Variants in WDR72 observed in about 807,000 individuals in gnomAD.
WDR72 encodes the protein WD repeat domain 72.
In WDR72, 120 loss-of-function variants were observed where a neutral mutation model predicts 124.2. The ratio of observed to expected loss-of-function variants is 0.97; its 90% CI spans 0.83 to 1.12. The LOEUF (loss-of-function observed/expected upper bound fraction) is 1.12, where lower values mean the gene tolerates loss of function less well. Ranked by LOEUF, WDR72 falls within the 50% of genes most tolerant of loss-of-function variation. The pLI is 0.00. For synonymous variants in WDR72, 452 were observed against 441.7 expected (o/e 1.02, Z -0.29); for missense variants, 1,387 against 1,278.8 (o/e 1.08, Z -1.29).
intron 13 of WDR72, among the ~76,000 whole-genome samples, chr15:53,696,439 A>C (rs1248315533): frequency 2.0e-5 from 3 of 152,216 alleles, no homozygotes; most frequent in African/African-American, 7.2e-5. Flanking sequence ...GCCAATGTTA[A>C]GGTGAATTAA....
chr15:53,564,732 T>C (rs1410312379), intron 18 of WDR72, among the ~76,000 whole-genome samples: 2 of 151,922 alleles, frequency 1.3e-5, no homozygotes, highest in African/African-American at 2.4e-5. Flanking sequence ...ATGACATTTA[T>C]TGCTTCCATG....
chr15:53,731,234 C>T (rs1291291407), intron 2 of WDR72, among the ~76,000 whole-genome samples: 2 of 152,098 alleles, frequency 1.3e-5, no homozygotes, highest in African/African-American at 4.8e-5. Context: ...GTCTTCCCCT[C>T]TGGCCTTACC....
chr15:53,532,305 CAAAGG>C (rs1000910528), intron 18 of WDR72, among the ~76,000 whole-genome samples: 2 of 152,014 alleles, frequency 1.3e-5, no homozygotes, highest in African/African-American at 4.8e-5. Flanking sequence ...ATGTCCAAAA[CAAAGG>C]AAATCAGTAT....
intron 18 of WDR72, among the ~76,000 whole-genome samples, chr15:53,556,863 C>T (rs1040736582): frequency 6.6e-6 from 1 of 152,038 alleles, no homozygotes; most frequent in Non-Finnish European, 1.5e-5. Context: ...AGGTTACACA[C>T]TCACTAATGT....
chr15:53,644,564 G>A (rs916970355), intron 14 of WDR72, among the ~76,000 whole-genome samples: 6 of 152,076 alleles, frequency 3.9e-5, no homozygotes, highest in African/African-American at 1.4e-4. Context: ...TGAGAAGTAT[G>A]TATCTTGCAA....
Position 53,609,518 on chromosome 15 carries a change from C to A in WDR72, c.2947G>T (p.Val983Leu), listed in dbSNP as rs372324887. The change falls in exon 17 of 20, where the codon GTG becomes TTG. Residue 983 changes from valine (V) to leucine (L), a missense_variant. Coordinates refer to ENST00000360509, the MANE Select transcript of WDR72 (RefSeq NM_182758.4). ...KLISCWRDQS[V>L]QVTEAIQAVL... ...GAATGTGAATTATATCATACCTGCA[C>A]AGACTGGTCTCTCCAACAGGAAATT... 6 of 1,613,220 alleles carry A rather than the reference C, an allele frequency of 3.7e-6. No individual in the cohort carries two copies. The highest frequency in any genetic ancestry group is 5.1e-6 in the Non-Finnish European group (6 of 1,179,438).
intron 13 of WDR72, among the ~76,000 whole-genome samples, chr15:53,674,664 T>G (rs2016103692): frequency 6.6e-6 from 1 of 152,142 alleles, no homozygotes. Flanking sequence ...AAAAATGGAG[T>G]GTCAAAGACC....
At chr15:53,741,917 C>T (rs997823997) in intron 1 of WDR72, among the ~76,000 whole-genome samples, 6 of 151,994 alleles carry the variant, frequency 3.9e-5, no homozygotes, top group Admixed American at 2.0e-4. Flanking sequence ...TAGTACAGAT[C>T]GGGTTTCACC....
At chr15:53,760,098 A>G (rs1410064399), upstream of WDR72, among the ~76,000 whole-genome samples, 2 of 151,412 alleles carry the variant, frequency 1.3e-5, no homozygotes, top group Non-Finnish European at 2.9e-5. Context: ...TTTGATACAG[A>G]CAAACAATGC....
At chr15:53,667,031 T>A (rs1217172559) in intron 13 of WDR72, among the ~76,000 whole-genome samples, 5 of 152,310 alleles carry the variant, frequency 3.3e-5, no homozygotes, top group South Asian at 4.2e-4. Context: ...AACATGTTGT[T>A]CTTCTAAGCT....
At chr15:53,637,469 T>C (rs562769865) in intron 14 of WDR72, among the ~76,000 whole-genome samples, 2 of 152,324 alleles carry the variant, frequency 1.3e-5, no homozygotes, top group South Asian at 4.1e-4. Context: ...GCTTTGAGCA[T>C]GTTACTTTTA....
intron 18 of WDR72, among the ~76,000 whole-genome samples, chr15:53,591,545 A>C (rs1225499541): frequency 2.0e-5 from 3 of 152,090 alleles, no homozygotes; most frequent in Admixed American, 6.6e-5. Context: ...ACGCATCAAC[A>C]ATATATGTAT....
intron 18 of WDR72, among the ~76,000 whole-genome samples, chr15:53,565,522 G>A (rs1566962682): frequency 6.6e-6 from 1 of 152,004 alleles, no homozygotes; most frequent in East Asian, 1.9e-4. Context: ...AAATTAAACA[G>A]TAAGGTATAC....
In WDR72 at chr15:53,702,119, T is replaced by C; in HGVS notation, c.1569+15A>G. The C allele has an allele frequency of 6.3e-7, 1 of 1,593,060 alleles. No individual in the cohort carries two copies. ...ATTTTCAAATTTAGATGTTATATTT[T>C]ACTCTTCGTCTTACTTTAAACTTCT... On this transcript the variant is annotated intron_variant, in intron 12 of 19. Coordinates refer to ENST00000360509, the MANE Select transcript of WDR72 (RefSeq NM_182758.4).
intron 13 of WDR72, among the ~76,000 whole-genome samples, chr15:53,697,184 T>C (rs924070176): frequency 1.3e-5 from 2 of 152,244 alleles, no homozygotes; most frequent in African/African-American, 4.8e-5. Flanking sequence ...TAACCAACTA[T>C]AGGAGATTCC....
chr15:53,684,384 C>T (rs28540201), intron 13 of WDR72: 19,246 of 153,156 alleles, frequency 0.13, 2,128 homozygotes, highest in African/African-American at 0.29. Context: ...GGGCGAGGCA[C>T]TGCCTCACTC....
intron 12 of WDR72, among the ~76,000 whole-genome samples, chr15:53,701,559 T>TCTCTCTCACACACACA (rs369568228): frequency 1.7e-5 from 2 of 120,102 alleles, no homozygotes; most frequent in African/African-American, 5.8e-5. Flanking sequence ...TCTCTCTCTC[T>TCTCTCTCACACACACA]CACACACACA....
intron 16 of WDR72, among the ~76,000 whole-genome samples, chr15:53,612,617 A>G (rs1030915794): frequency 5.3e-5 from 8 of 151,950 alleles, no homozygotes; most frequent in South Asian, 2.1e-4. Context: ...GTGAGCACTA[A>G]GAGAGAAGGT....
intron 18 of WDR72, among the ~76,000 whole-genome samples, chr15:53,537,125 T>C (rs1239607419): frequency 1.6e-4 from 24 of 152,190 alleles, no homozygotes; most frequent in Admixed American, 1.6e-3. Context: ...CAGTCCCAGC[T>C]TTCTATATTG....
Sources: gnomAD v4.1 joint callset for allele counts (sites outside exome capture counted in the v4.1 genomes callset) on GRCh38, gnomAD v4.1.1 for gene constraint, MANE v1.5 for transcripts, NCBI Gene and HGNC (gene_info 2026-07-23, HGNC 2026-07-21) for gene names.